ME1: variants seen among roughly 807,000 people sequenced by gnomAD.
ME1 encodes the protein NADP-dependent malic enzyme.
A neutral mutation model predicts 66.4 loss-of-function variants in ME1; 74 were observed. The observed-to-expected ratio is 1.11, with a 90% CI of 0.92 to 1.35. The LOEUF is 1.35. Ranked by LOEUF, ME1 falls within the 40% of genes most tolerant of loss-of-function variation. The pLI is 0.00. For missense variants in ME1, 750 were observed against 694.1 expected, an observed-to-expected ratio of 1.08 and a Z score of -0.90; for synonymous variants, 251 against 235.6, an observed-to-expected ratio of 1.07 and a Z score of -0.60.
At chr6:83,322,521 A>G (rs183493453) in intron 5 of ME1, among the ~76,000 whole-genome samples, 1 of 152,274 alleles carries the variant, frequency 6.6e-6, no homozygotes, top group Non-Finnish European at 1.5e-5. Context: ...ACAAGTATCA[A>G]TAGCTGAATC....
Position 83,315,362 on chromosome 6 carries a change from C to T in ME1, c.652G>A (p.Gly218Ser). The change falls in exon 6 of 14, where the codon GGT (glycine) becomes AGT (serine). Residue 218 changes from glycine (G) to serine (S), a missense_variant. Coordinates refer to ENST00000369705, the MANE Select transcript of ME1 (RefSeq NM_002395.6). ...TCCAAAAAATCATCATATTCAGAAC[C>T]TCTTACTCTTCTCTGCCGTAGTCCA... ...YIGLRQRRVR[G>S]SEYDDFLDEF... 2.5e-6 allele frequency: 4 copies of T among 1,612,540 alleles called. No homozygotes were observed. The highest frequency in any genetic ancestry group is 2.5e-6 in the Non-Finnish European group (3 of 1,179,220).
chr6:83,244,811 G>GA (rs1452217515), intron 7 of ME1, among the ~76,000 whole-genome samples: 1 of 151,938 alleles, frequency 6.6e-6, no homozygotes, highest in Non-Finnish European at 1.5e-5. Flanking sequence ...ACAGAGGGCA[G>GA]AAAAATGTGT....
At chr6:83,277,349 G>A (rs1373560792) in intron 6 of ME1, among the ~76,000 whole-genome samples, 1 of 152,036 alleles carries the variant, frequency 6.6e-6, no homozygotes, top group Non-Finnish European at 1.5e-5. Flanking sequence ...TCCTCAGCAG[G>A]CCTAGCCTCA....
chr6:83,355,141 G>T (rs1216754934), intron 3 of ME1, among the ~76,000 whole-genome samples: 1 of 152,042 alleles, frequency 6.6e-6, no homozygotes, highest in Non-Finnish European at 1.5e-5. Context: ...AGTCCAATGT[G>T]AGCCTATAAA....
rs1282342423 is a variant in ME1, at chr6:83,393,312, C to T, written c.362+5055G>A. The T allele has an allele frequency of 8.0e-6, 10 of 1,250,266 alleles. 1 individual carries two copies. Among genetic ancestry groups the T allele is most frequent in the South Asian group, 3.8e-5 (3 of 77,936 alleles). 77.4% of individuals were successfully genotyped at this position (1,250,266 alleles called of 1,614,324 possible). On this transcript the variant is annotated intron_variant, in intron 3 of 13. Transcript: ENST00000369705. ...ATGCTGGGGCTGGCATTGCCCTCAA[C>T]GACCACTTTGTCAAGCTCATTTCCT...
At chr6:83,303,500 A>C (rs946535344) in intron 6 of ME1, among the ~76,000 whole-genome samples, 1 of 152,162 alleles carries the variant, frequency 6.6e-6, no homozygotes, top group Non-Finnish European at 1.5e-5. Flanking sequence ...AGGGAAAGCT[A>C]AAGCTTACTG....
At chr6:83,220,525 GACATTTCT>G (rs1441191117) in intron 12 of ME1, among the ~76,000 whole-genome samples, 1 of 152,160 alleles carries the variant, frequency 6.6e-6, no homozygotes, top group East Asian at 1.9e-4. Flanking sequence ...GCTAACCCAT[GACATTTCT>G]AGTTCCATAA....
intron 6 of ME1, among the ~76,000 whole-genome samples, chr6:83,305,054 C>T (rs1452194827): frequency 3.3e-5 from 5 of 152,062 alleles, no homozygotes; most frequent in Admixed American, 3.3e-4. Flanking sequence ...AAAAATGATG[C>T]TAGTAATTCA....
At chr6:83,377,722 T>A (rs925543972) in intron 3 of ME1, among the ~76,000 whole-genome samples, 2 of 152,154 alleles carry the variant, frequency 1.3e-5, no homozygotes, top group Admixed American at 6.5e-5. Flanking sequence ...AGCCTTCAGA[T>A]TTCCCCAAGA....
At chr6:83,213,611 C>T (rs1361279849) in intron 13 of ME1, among the ~76,000 whole-genome samples, 1 of 152,232 alleles carries the variant, frequency 6.6e-6, no homozygotes, top group Middle Eastern at 3.4e-3. Context: ...AGGTGATCCA[C>T]CTGCCTTGGC....
chr6:83,271,624 GA>G (rs1363746826), intron 6 of ME1, among the ~76,000 whole-genome samples: 3 of 152,040 alleles, frequency 2.0e-5, no homozygotes, highest in South Asian at 4.2e-4. Flanking sequence ...GTGGTATCCA[GA>G]AAAAATGGTT....
At chr6:83,262,013 CAAA>C (rs374491049) in intron 6 of ME1, among the ~76,000 whole-genome samples, 1 of 77,230 alleles carries the variant, frequency 1.3e-5, no homozygotes, top group East Asian at 4.1e-4. Context: ...GAATCCATCT[CAAA>C]AAAAAAAAAA....
chr6:83,311,825 G>A (rs574885332), intron 6 of ME1, among the ~76,000 whole-genome samples: 1 of 152,198 alleles, frequency 6.6e-6, no homozygotes, highest in Non-Finnish European at 1.5e-5. Flanking sequence ...GGCAAAAGTG[G>A]GGTGTGTGTG....
At chr6:83,260,975 C>A (rs1766877080) in intron 6 of ME1, among the ~76,000 whole-genome samples, 1 of 152,132 alleles carries the variant, frequency 6.6e-6, no homozygotes, top group Non-Finnish European at 1.5e-5. Flanking sequence ...GGGTATATAT[C>A]CACTAATGGG....
At chr6:83,246,476 C>A (rs930640798) in intron 7 of ME1, among the ~76,000 whole-genome samples, 2 of 152,204 alleles carry the variant, frequency 1.3e-5, no homozygotes, top group Admixed American at 1.3e-4. Context: ...AAAAATACCT[C>A]ATTCCATACC....
chr6:83,277,005 A>G (rs1354210216), intron 6 of ME1, among the ~76,000 whole-genome samples: 1 of 152,232 alleles, frequency 6.6e-6, no homozygotes, highest in Non-Finnish European at 1.5e-5. Context: ...TTTAAAACTG[A>G]ATTTTAGCAT....
Position 83,407,914 on chromosome 6 carries a change from A to C in ME1, c.79-13T>G, listed in dbSNP as rs148168195. 6.4e-4 allele frequency: 1,004 copies of C among 1,577,506 alleles called. 1 individual carries two copies. The highest frequency in any genetic ancestry group is 1.2e-3 in the Middle Eastern group (7 of 5,924). ...TAAAGGCCAAGTCCTATAGAGAAAA[A>C]ACACACACACACACACAACAGTATT... On this transcript the variant is annotated splice_polypyrimidine_tract_variant and intron_variant, in intron 1 of 13. Transcript: ENST00000369705.
chr6:83,392,730 G>A (rs1769646405), intron 3 of ME1: 1 of 634,738 alleles, frequency 1.6e-6, no homozygotes, highest in African/African-American at 1.8e-5. Context: ...TCACCACCAT[G>A]GAGAAGGCTG....
In ME1 at chr6:83,211,810, A is replaced by G. The variant is rs1291660832; in HGVS notation, c.*114T>C. 4.5e-6 allele frequency: 3 copies of G among 666,476 alleles called. No homozygotes were observed. The highest frequency in any genetic ancestry group is 6.7e-6 in the Non-Finnish European group (3 of 450,418). The allele number at this position is 666,476 out of a possible 1,614,324, so 41.3% of individuals were successfully genotyped here. A position where few individuals can be genotyped will look rare whatever the true frequency, so the allele number is the denominator to read the frequency against. On this transcript the variant is annotated 3_prime_UTR_variant, in exon 14 of 14. Coordinates refer to ENST00000369705, the MANE Select transcript of ME1 (RefSeq NM_002395.6). ...TTCTTCTATCAATTTTTAGACTGTT[A>G]AAGTAAAATCTTAATCTAAGTGTCT...
Sources: gnomAD v4.1 joint callset for allele counts (sites outside exome capture counted in the v4.1 genomes callset) on GRCh38, gnomAD v4.1.1 for gene constraint, MANE v1.5 for transcripts, NCBI Gene and HGNC (gene_info 2026-07-23, HGNC 2026-07-21) for gene names.